CD96: variants seen among roughly 807,000 people sequenced by gnomAD.
The protein encoded by CD96 is T-cell surface protein tactile.
In CD96, 70 loss-of-function variants were observed where a neutral mutation model predicts 71.3. The observed-to-expected ratio is 0.98, with a 90% CI of 0.81 to 1.20. The LOEUF (loss-of-function observed/expected upper bound fraction) is 1.20. Ranked by LOEUF, CD96 falls within the 50% of genes most tolerant of loss-of-function variation. The pLI, the probability that CD96 is intolerant of heterozygous loss-of-function variation, is 0.00. For missense variants in CD96, 742 were observed against 677.5 expected (o/e 1.10, Z -1.06); for synonymous variants, 248 against 233.0 (o/e 1.06, Z -0.59).
At chr3:111,633,015 C>G (rs1442247232) in intron 10 of CD96, among the ~76,000 whole-genome samples, 1 of 152,184 alleles carries the variant, frequency 6.6e-6, no homozygotes, top group South Asian at 2.1e-4. Flanking sequence ...CCCAAAAGGC[C>G]TAGCTTTGAG....
chr3:111,547,003 C>A (rs1044630339), intron 2 of CD96, among the ~76,000 whole-genome samples: 2 of 150,428 alleles, frequency 1.3e-5, no homozygotes, highest in African/African-American at 4.9e-5. Flanking sequence ...AAATGGAAGA[C>A]CTATATAGAA....
chr3:111,638,614 T>A (rs949442243), intron 12 of CD96, among the ~76,000 whole-genome samples: 4 of 152,212 alleles, frequency 2.6e-5, no homozygotes, highest in Non-Finnish European at 5.9e-5. Context: ...ATGCAAAATG[T>A]AATCCCTCTT....
intron 6 of CD96, 121 bp downstream of exon 6, chr3:111,598,331 A>T (rs1342374452): frequency 1.3e-5 from 9 of 703,138 alleles, no homozygotes; most frequent in Non-Finnish European, 7.8e-6. Context: ...TCCAAGAAAA[A>T]CATCATTCTG....
chr3:111,638,212 C>A, intron 12 of CD96, 44 bp downstream of exon 12: 1 of 1,164,288 alleles, frequency 8.6e-7, no homozygotes, highest in Non-Finnish European at 1.3e-6. Context: ...GCTTTATTCA[C>A]TCAATAAATA....
chr3:111,593,843 T>A (rs1364738267), intron 5 of CD96: 6 of 1,613,950 alleles, frequency 3.7e-6, no homozygotes, highest in Non-Finnish European at 5.1e-6. Flanking sequence ...ATCCTGGCGC[T>A]GCCCAGCCTG....
intron 10 of CD96, among the ~76,000 whole-genome samples, chr3:111,625,098 G>A (rs955011343): frequency 1.3e-5 from 2 of 152,226 alleles, no homozygotes; most frequent in Non-Finnish European, 2.9e-5. Context: ...AAAGCGTAAT[G>A]TGTATGTCCC....
chr3:111,608,652 A>G (rs73852836), intron 8 of CD96, among the ~76,000 whole-genome samples: 3,161 of 152,282 alleles, frequency 0.021, 127 homozygotes, highest in African/African-American at 0.073. Context: ...ACCACATTAG[A>G]CACCATTTTT....
In CD96 at chr3:111,601,958, C is replaced by A. The variant is rs563435967; in HGVS notation, c.1087+1044C>A. 2.6e-5 allele frequency among the ~76,000 whole-genome samples: 4 copies of A among 152,254 alleles called. No individual in the cohort carries two copies. The East Asian group carries it at 7.7e-4, about 29-fold the overall frequency. ...CACTGGCATCGCTCCCGTAGCCTTG[C>A]CTGTGTGTCTGTGTATATGTATATG... On this transcript the variant is annotated intron_variant, in intron 7 of 13. Transcript: ENST00000352690.
At chr3:111,631,822 T>G (rs972172060) in intron 10 of CD96, among the ~76,000 whole-genome samples, 5 of 151,966 alleles carry the variant, frequency 3.3e-5, no homozygotes, top group African/African-American at 1.2e-4. Context: ...GAAATAAGAC[T>G]ACACACCTAC....
chr3:111,645,042 C>T (rs958823470), intron 12 of CD96, among the ~76,000 whole-genome samples: 5 of 152,020 alleles, frequency 3.3e-5, no homozygotes, highest in Admixed American at 6.6e-5. Flanking sequence ...AGTCATTATT[C>T]GAAAAAGATA....
rs775765829 is a variant in CD96 at position 111,567,652 on chromosome 3, G to C, written c.543+5G>C. On this transcript the variant is annotated splice_donor_5th_base_variant and intron_variant, in intron 3 of 13. Coordinates refer to ENST00000352690, the MANE Select transcript of CD96 (RefSeq NM_005816.5). ...TTCACCTATGCATGGTCGGTGGTAA[G>C]TGTTGCCCTTTTCAGTGAATAACCT... is the stretch of plus-strand genomic sequence containing the variant. 47 of 1,612,812 alleles carry C rather than the reference G, an allele frequency of 2.9e-5. No individual in the cohort carries two copies. The highest frequency in any genetic ancestry group is 3.9e-5 in the Non-Finnish European group (46 of 1,178,964).
chr3:111,578,199 T>C (rs909960079), intron 3 of CD96, among the ~76,000 whole-genome samples: 2 of 152,164 alleles, frequency 1.3e-5, no homozygotes, highest in Admixed American at 6.5e-5. Flanking sequence ...AGCACTTTTA[T>C]TGACATCAAC....
At chr3:111,663,970 T>G (rs982723586) in intron 14 of CD96, among the ~76,000 whole-genome samples, 9 of 152,120 alleles carry the variant, frequency 5.9e-5, no homozygotes, top group Non-Finnish European at 1.3e-4. Context: ...CAGGATGCTC[T>G]CGATCTCCTG....
intron 4 of CD96, among the ~76,000 whole-genome samples, chr3:111,582,642 G>A (rs1036513592): frequency 1.3e-5 from 2 of 152,170 alleles, no homozygotes; most frequent in Non-Finnish European, 2.9e-5. Context: ...TGGACTTAAA[G>A]TTCCACATGG....
intron 2 of CD96, among the ~76,000 whole-genome samples, chr3:111,551,237 A>T (rs776127443): frequency 6.6e-6 from 1 of 152,116 alleles, no homozygotes; most frequent in Non-Finnish European, 1.5e-5. Context: ...AAGATCCAAG[A>T]TGTGATTGTG....
chr3:111,566,320 C>T (rs995463286), intron 2 of CD96, among the ~76,000 whole-genome samples: 1 of 151,790 alleles, frequency 6.6e-6, no homozygotes, highest in Non-Finnish European at 1.5e-5. Flanking sequence ...TGCTATATAG[C>T]ATGTAATGGT....
At chr3:111,558,583 T>C (rs1223277701) in intron 2 of CD96, among the ~76,000 whole-genome samples, 1 of 120,326 alleles carries the variant, frequency 8.3e-6, no homozygotes, top group Non-Finnish European at 1.7e-5. Context: ...GATAAGCTTT[T>C]TGATGTGCTG....
At chr3:111,555,203 T>C (rs1934929091) in intron 2 of CD96, among the ~76,000 whole-genome samples, 1 of 140,926 alleles carries the variant, frequency 7.1e-6, no homozygotes, top group South Asian at 2.3e-4. Context: ...TTTCATGTTC[T>C]TTAACAAAAT....
chr3:111,578,851 A>G (rs1445465237), intron 3 of CD96, among the ~76,000 whole-genome samples, 176 bp from the exon 4 acceptor site: 1 of 152,228 alleles, frequency 6.6e-6, no homozygotes, highest in Non-Finnish European at 1.5e-5. Flanking sequence ...ATAGTTTTTA[A>G]CTGAAAGTCA....
Sources: gnomAD v4.1 joint callset for allele counts (sites outside exome capture counted in the v4.1 genomes callset) on GRCh38, gnomAD v4.1.1 for gene constraint, MANE v1.5 for transcripts, NCBI Gene and HGNC (gene_info 2026-07-23, HGNC 2026-07-21) for gene names.